NLRP2: variants seen among roughly 807,000 people sequenced by gnomAD.
NLRP2 encodes NACHT, LRR and PYD domains-containing protein 2.
A neutral mutation model predicts 97.2 loss-of-function variants in NLRP2; 107 were observed. The ratio of observed to expected loss-of-function variants is 1.10; its 90% CI spans 0.94 to 1.29. The LOEUF (loss-of-function observed/expected upper bound fraction) is 1.29. Among genes scored for constraint, NLRP2 ranks in the 50% most tolerant of loss-of-function variants. The probability of loss-of-function intolerance (pLI) is 0.00; values close to 1 mark genes in which losing one functional copy is unlikely to be tolerated. For synonymous variants in NLRP2, 663 were observed against 551.5 expected (o/e 1.20, Z -2.83); for missense variants, 1,495 against 1,330.3 (o/e 1.12, Z -1.93).
At chr19:54,977,126 C>G (rs146957473) in intron 3 of NLRP2, among the ~76,000 whole-genome samples, 2 of 152,096 alleles carry the variant, frequency 1.3e-5, no homozygotes, top group Non-Finnish European at 2.9e-5. Flanking sequence ...CCACCTTGTT[C>G]TTACATTCTT....
At chr19:54,995,241 A>G (rs34095041) in intron 11 of NLRP2, among the ~76,000 whole-genome samples, 18,959 of 121,742 alleles carry the variant, frequency 0.16, 1,862 homozygotes, top group Non-Finnish European at 0.21. Context: ...CCCAGGCTGT[A>G]GTGTAATGGC....
upstream of NLRP2, chr19:54,965,921 AAAT>A (rs1302916950): frequency 2.2e-3 from 152 of 69,186 alleles, no homozygotes; most frequent in Middle Eastern, 0.012. Flanking sequence ...ATTAAAAATA[AAAT>A]AATAATAATA....
At chr19:54,977,247 C>T (rs1399735775) in intron 3 of NLRP2, among the ~76,000 whole-genome samples, 1 of 151,964 alleles carries the variant, frequency 6.6e-6, no homozygotes, top group African/African-American at 2.4e-5. Flanking sequence ...CGTAGAGAAA[C>T]CCTGTCTGTA....
Position 54,999,192 on chromosome 19 carries a change from G to A in NLRP2, c.3051-1568G>A, listed in dbSNP as rs116231517. ...GCCAGAGTTTTACTCTTGTTGTCCA[G>A]CCTGGAGCGCAATGGCGCTATCTCG... On this transcript the variant is annotated intron_variant, in intron 12 of 12. Transcript: ENST00000448584. Among the ~76,000 whole-genome samples the A allele has an allele frequency of 2.5e-3, 375 of 152,248 alleles. 3 individuals are homozygous for A. Among genetic ancestry groups the A allele is most frequent in the African/African-American group, 8.0e-3 (333 of 41,532 alleles).
intron 8 of NLRP2, among the ~76,000 whole-genome samples, chr19:54,986,711 C>T (rs912987345): frequency 2.6e-5 from 4 of 151,900 alleles, no homozygotes; most frequent in Admixed American, 6.6e-5. Flanking sequence ...CCACCACGCC[C>T]GGCTAATTTT....
At chr19:54,987,810 A>G (rs973512312) in intron 8 of NLRP2, among the ~76,000 whole-genome samples, 13 of 151,710 alleles carry the variant, frequency 8.6e-5, no homozygotes, top group African/African-American at 2.9e-4. Flanking sequence ...TGGGAGGCCA[A>G]GGCAGGTGGA....
chr19:54,989,962 AAGAGTG>A lies in NLRP2; in HGVS notation c.2367-56_2367-51del, dbSNP rs2072348388. The A allele has an allele frequency of 6.3e-6, 10 of 1,584,080 alleles. No individual in the cohort carries two copies. In the East Asian group the frequency reaches 2.0e-4, roughly 32 times the overall value. ...GCCGAGATTGCGCCACCTGGGCAAC[AAGAGTG>A]AGACTCAGTCTCAAAAAAAAAAAAA... On this transcript the variant is annotated intron_variant, in intron 8 of 12. Coordinates refer to ENST00000448584, the MANE Select transcript of NLRP2 (RefSeq NM_017852.5).
chr19:54,994,148 C>G, intron 10 of NLRP2, 121 bp from the exon 11 acceptor site: 1 of 1,067,206 alleles, frequency 9.4e-7, no homozygotes, highest in Non-Finnish European at 1.4e-6. Context: ...CCCCATGATT[C>G]CATTTCCATG....
Position 54,970,151 on chromosome 19 carries a change from G to T in NLRP2, c.136G>T (p.Glu46Ter). 1 of 1,614,114 alleles carries T rather than the reference G, an allele frequency of 6.2e-7. No individual in the cohort carries two copies. Among genetic ancestry groups the T allele is most frequent in the Non-Finnish European group, 8.5e-7 (1 of 1,180,022 alleles). ...CGAGCTCCAGAAGATCCCCCACAAG[G>T]AGGTAGACAAGGCTGATGGGAAGCA... is the stretch of plus-strand genomic sequence containing the variant. ...AHELQKIPHK[E>*]VDKADGKQLV... is the part of the protein sequence containing the mutation. Residue 46 changes from glutamate (E) to a stop codon, truncating the protein, a stop_gained, in exon 2 of 13, where the codon GAG becomes TAG. Transcript: ENST00000448584. LOFTEE classifies it high-confidence loss of function.
chr19:54,976,148 C>T (rs1172449328), intron 3 of NLRP2, among the ~76,000 whole-genome samples: 4 of 150,586 alleles, frequency 2.7e-5, no homozygotes, highest in Non-Finnish European at 4.4e-5. Context: ...CTCCGCCTCC[C>T]GGTTCAAGTG....
chr19:54,989,101 G>T (rs1323137138), intron 8 of NLRP2, among the ~76,000 whole-genome samples: 1 of 151,792 alleles, frequency 6.6e-6, no homozygotes, highest in South Asian at 2.1e-4. Context: ...GGGACTACAG[G>T]CACGTGTCGC....
At chr19:54,980,927 T>C (rs2071528366) in intron 4 of NLRP2, among the ~76,000 whole-genome samples, 1 of 152,218 alleles carries the variant, frequency 6.6e-6, no homozygotes, top group South Asian at 2.1e-4. Flanking sequence ...CTGGCCAACA[T>C]GGCGAAACCC....
In NLRP2 at chr19:54,994,268, G is replaced by C; in HGVS notation, c.2709-1G>C. The stretch of plus-strand genomic sequence containing the variant: ...GCTTTCTTCCTGTGGTTGATTTCTA[G>C]GCTTTGGAACTGCGACATAACTAGC... On this transcript the variant is annotated splice_acceptor_variant, in intron 10 of 12. Transcript: ENST00000448584. LOFTEE classifies it high-confidence loss of function. The C allele has an allele frequency of 6.2e-7, 1 of 1,614,000 alleles. No individual in the cohort carries two copies. Among genetic ancestry groups the C allele is most frequent in the Non-Finnish European group, 8.5e-7 (1 of 1,179,952 alleles).
At chr19:54,980,349 C>T (rs955333234) in intron 4 of NLRP2, among the ~76,000 whole-genome samples, 2 of 151,820 alleles carry the variant, frequency 1.3e-5, no homozygotes, top group South Asian at 2.1e-4. Context: ...GCGCCCGCCA[C>T]ACGCCCGGCT....
At chr19:54,982,108 C>T (rs1261452156) in intron 5 of NLRP2, 54 bp from the exon 6 acceptor site, 16 of 1,611,198 alleles carry the variant, frequency 9.9e-6, no homozygotes, top group Non-Finnish European at 8.5e-7. Context: ...TTTGGTTTTC[C>T]CTATGGGTAA....
intron 1 of NLRP2, 131 bp from the exon 2 acceptor site, chr19:54,969,868 G>A: frequency 1.1e-6 from 1 of 880,302 alleles, no homozygotes; most frequent in South Asian, 1.4e-5. Flanking sequence ...TGTTGCCCAG[G>A]CTGGGAGTTT....
rs756436723 is a variant in NLRP2, at chr19:54,982,667, C to G, written c.969C>G (p.Asn323Lys). 1.6e-5 allele frequency: 26 copies of G among 1,614,036 alleles called. No homozygotes were observed. Among genetic ancestry groups the G allele is most frequent in the Non-Finnish European group, 1.7e-5 (20 of 1,180,038 alleles). Residue 323 changes from asparagine to lysine, a missense_variant, in exon 6 of 13, where the codon AAC becomes AAG. Transcript: ENST00000448584. ...CCGTCCTCCTGGGGAGTTTGCTGAA[C>G]AGGGTGATGTTACCCAAGGCCGCCC... ...PVPVLLGSLL[N>K]RVMLPKAALL...
intron 6 of NLRP2, among the ~76,000 whole-genome samples, chr19:54,984,476 A>T (rs1390192404): frequency 1.4e-5 from 1 of 69,720 alleles, no homozygotes; most frequent in African/African-American, 8.6e-5. Flanking sequence ...AGATATGTAT[A>T]TTCCCAATCT....
chr19:54,990,300 C>G, intron 9 of NLRP2, 108 bp downstream of exon 9: 4 of 1,235,430 alleles, frequency 3.2e-6, no homozygotes, highest in African/African-American at 1.5e-5. Flanking sequence ...GATGTGAACA[C>G]CTGTTCCCAT....
Sources: allele counts gnomAD v4.1 joint callset (sites outside exome capture counted in the v4.1 genomes callset), GRCh38; gene constraint gnomAD v4.1.1; transcripts MANE v1.5; gene names NCBI Gene and HGNC (gene_info 2026-07-23, HGNC 2026-07-21).